The following NCALD variants were observed in gnomAD, a reference collection of about 807,000 sequenced individuals.
The protein encoded by NCALD is neurocalcin delta.
In NCALD, 10 loss-of-function variants were observed where a neutral mutation model predicts 18.6. The observed-to-expected ratio is 0.54, with a 90% CI of 0.33 to 0.91. NCALD has a LOEUF of 0.91. NCALD is among the 40% of genes least tolerant of loss of function. NCALD has a pLI of 0.03. For synonymous variants in NCALD, 88 were observed against 87.4 expected, an observed-to-expected ratio of 1.01 and a Z score of -0.04; for missense variants, 184 against 247.6, an observed-to-expected ratio of 0.74 and a Z score of 1.72.
chr8:102,047,719 T>C (rs964135181), intron 1 of NCALD, among the ~76,000 whole-genome samples: 4 of 152,230 alleles, frequency 2.6e-5, no homozygotes, highest in Non-Finnish European at 4.4e-5. Flanking sequence ...TTATACACTT[T>C]ATGTAATTTA....
At chr8:101,744,388 C>G (rs1194077370) in intron 1 of NCALD, among the ~76,000 whole-genome samples, 1 of 152,184 alleles carries the variant, frequency 6.6e-6, no homozygotes, top group Non-Finnish European at 1.5e-5. Context: ...CAAACAGAAC[C>G]AAATCCTTAC....
intron 1 of NCALD, among the ~76,000 whole-genome samples, chr8:102,115,656 G>C (rs1225162934): frequency 6.6e-6 from 1 of 152,214 alleles, no homozygotes; most frequent in Non-Finnish European, 1.5e-5. Context: ...AAGACGTGCG[G>C]ATGGGTCAAT....
At chr8:101,777,068 C>T (rs1251591493) in intron 1 of NCALD, among the ~76,000 whole-genome samples, 1 of 152,144 alleles carries the variant, frequency 6.6e-6, no homozygotes, top group African/African-American at 2.4e-5. Flanking sequence ...GGGCCTTCAT[C>T]CATACTGCTC....
intron 4 of NCALD, among the ~76,000 whole-genome samples, chr8:101,869,897 C>G (rs756461184): frequency 2.0e-4 from 30 of 152,236 alleles, no homozygotes; most frequent in Non-Finnish European, 2.2e-4. Flanking sequence ...AAACTAGATG[C>G]AAGCAAGAAA....
Position 101,896,772 on chromosome 8 carries a change from T to A in NCALD, c.-106-9545A>T, listed in dbSNP as rs1264976. ...CAAAAAACACATGAAAAAATGCTCA[T>A]CATCACTGGCCATCAGAGAAATGCA... On this transcript the variant is annotated intron_variant, in intron 3 of 6. Coordinates refer to the NCALD transcript ENST00000311028. Among the ~76,000 whole-genome samples, 8 of 114,280 alleles carry A rather than the reference T, an allele frequency of 7.0e-5. No homozygotes were observed. The East Asian group carries it at 1.0e-3, about 15-fold the overall frequency. 75.0% of individuals were successfully genotyped at this position (114,280 alleles called of 152,430 possible). A position where few individuals can be genotyped will look rare whatever the true frequency, so the allele number is the denominator to read the frequency against.
chr8:102,002,236 A>G lies in NCALD; in HGVS notation c.-157+18001T>C, dbSNP rs961528309. Among the ~76,000 whole-genome samples, 5 of 152,184 alleles carry G rather than the reference A, an allele frequency of 3.3e-5. No individual in the cohort carries two copies. The East Asian group carries it at 5.8e-4, about 18-fold the overall frequency. On this transcript the variant is annotated intron_variant, in intron 2 of 6. Coordinates refer to the NCALD transcript ENST00000311028. ...GGCAGAGGTTGCAATCCTAGTCTCT[A>G]ATAAAACAGAATTTAAACCAACAAA...
intron 2 of NCALD, among the ~76,000 whole-genome samples, chr8:101,712,587 C>CAAAAAAAAAAAAAAAAAA (rs201729096): frequency 4.9e-4 from 39 of 78,890 alleles, no homozygotes; most frequent in African/African-American, 8.4e-4. Flanking sequence ...AAATGGAAAG[C>CAAAAAAAAAAAAAAAAAA]AAAAAAAAAA....
At chr8:101,939,922 C>G (rs1311982670) in intron 2 of NCALD, among the ~76,000 whole-genome samples, 1 of 152,214 alleles carries the variant, frequency 6.6e-6, no homozygotes, top group Non-Finnish European at 1.5e-5. Context: ...GATCATAGGT[C>G]AGTCTTCCTT....
Position 102,006,706 on chromosome 8 carries a change from G to A in NCALD, c.-157+13531C>T, listed in dbSNP as rs150077476. On this transcript the variant is annotated intron_variant, in intron 2 of 6. Coordinates refer to the NCALD transcript ENST00000311028. ...CTCCAATGGCACATCTCTTACTACT[G>A]CTCCCGCTGGGTGGCTCCAACTCCT... Among the ~76,000 whole-genome samples the A allele has an allele frequency of 7.2e-5, 11 of 152,324 alleles. No individual in the cohort carries two copies. In the East Asian group the frequency reaches 1.9e-3, roughly 27 times the overall value.
In NCALD at chr8:101,688,434, A is replaced by G. The variant is rs543833611; in HGVS notation, c.*875T>C. The G allele has an allele frequency of 1.8e-5, 5 of 281,340 alleles. No individual in the cohort carries two copies. The highest frequency in any genetic ancestry group is 8.2e-5 in the East Asian group (1 of 12,226). The allele number at this position is 281,340 out of a possible 1,614,324, so 17.4% of individuals were successfully genotyped here. On this transcript the variant is annotated 3_prime_UTR_variant, in exon 4 of 4. Coordinates refer to ENST00000220931, the MANE Select transcript of NCALD (RefSeq NM_032041.3). The stretch of plus-strand genomic sequence containing the variant: ...TGACTTCCAAACAAGACAGACATTC[A>G]TTATAGTTGTCTTACTTCACAATAA...
chr8:101,703,108 C>T (rs1474958243), intron 2 of NCALD, among the ~76,000 whole-genome samples: 1 of 151,824 alleles, frequency 6.6e-6, no homozygotes, highest in Admixed American at 6.6e-5. Flanking sequence ...AGGACTGACT[C>T]TTATTCTGAC....
intron 1 of NCALD, among the ~76,000 whole-genome samples, chr8:102,068,146 G>A (rs548200631): frequency 6.6e-6 from 1 of 152,272 alleles, no homozygotes; most frequent in South Asian, 2.1e-4. Flanking sequence ...TTACATGCAG[G>A]AGTACACCAC....
chr8:101,890,994 T>C (rs558181869), intron 3 of NCALD, among the ~76,000 whole-genome samples: 1 of 152,286 alleles, frequency 6.6e-6, no homozygotes, highest in Admixed American at 6.5e-5. Flanking sequence ...CAGCATGCAA[T>C]AGCTTGGGTA....
intron 2 of NCALD, 104 bp downstream of exon 2, chr8:101,719,148 G>A: frequency 7.3e-7 from 1 of 1,373,512 alleles, no homozygotes; most frequent in Non-Finnish European, 9.9e-7. Flanking sequence ...AAGTGTCCTG[G>A]TGACTCACCA....
chr8:101,759,950 T>G (rs899368725), intron 1 of NCALD, among the ~76,000 whole-genome samples: 1 of 152,148 alleles, frequency 6.6e-6, no homozygotes, highest in Non-Finnish European at 1.5e-5. Context: ...TTAAGGGCAG[T>G]GGCGCTTGCA....
At chr8:102,010,077 C>A (rs1435617276) in intron 2 of NCALD, among the ~76,000 whole-genome samples, 2 of 152,206 alleles carry the variant, frequency 1.3e-5, no homozygotes, top group Non-Finnish European at 2.9e-5. Context: ...GAGGAAGGGG[C>A]CCCAGGTTGG....
intron 3 of NCALD, among the ~76,000 whole-genome samples, chr8:101,895,920 G>A (rs1038982426): frequency 1.0e-4 from 15 of 150,470 alleles, no homozygotes; most frequent in South Asian, 4.2e-4. Flanking sequence ...AATCAATATC[G>A]TGAAAATGGC....
In NCALD at chr8:101,687,776, T is replaced by G. The variant is rs1160916843; in HGVS notation, c.*1533A>C. On this transcript the variant is annotated 3_prime_UTR_variant, in exon 4 of 4. Transcript: ENST00000220931. ...TGCTAACTACTTGCAAGAGTATGAC[T>G]CGCCTGTAACCAGCAAATTTTTACT... The G allele has an allele frequency of 6.6e-6, 1 of 152,218 alleles. No homozygotes were observed. Among genetic ancestry groups the G allele is most frequent in the African/African-American group, 2.4e-5 (1 of 41,458 alleles). 9.4% of individuals were successfully genotyped at this position (152,218 alleles called of 1,614,324 possible).
intron 4 of NCALD, among the ~76,000 whole-genome samples, chr8:101,823,211 T>C (rs374879103): frequency 1.3e-5 from 2 of 152,228 alleles, no homozygotes. Flanking sequence ...ATCGTGAGCA[T>C]GTAGAATGTA....
Sources: gnomAD v4.1 joint callset for allele counts (sites outside exome capture counted in the v4.1 genomes callset) on GRCh38, gnomAD v4.1.1 for gene constraint, MANE v1.5 for transcripts, NCBI Gene and HGNC (gene_info 2026-07-23, HGNC 2026-07-21) for gene names.